KCNAB1: variants seen among roughly 807,000 people sequenced by gnomAD.
KCNAB1 encodes potassium voltage-gated channel subfamily A regulatory beta subunit 1.
Under a neutral mutation model 64.6 loss-of-function variants are expected in KCNAB1, and 35 were observed. That is an observed-to-expected ratio of 0.54 (90% CI 0.41 to 0.72). KCNAB1 has a LOEUF of 0.72. Ranked by LOEUF, KCNAB1 falls within the 30% of genes least tolerant of loss-of-function variation. KCNAB1 has a pLI of 0.00. For missense variants in KCNAB1, 401 were observed against 512.9 expected (o/e 0.78, Z 2.11); for synonymous variants, 177 against 183.8 (o/e 0.96, Z 0.30).
intron 1 of KCNAB1, among the ~76,000 whole-genome samples, chr3:156,356,296 A>G (rs1288014526): frequency 1.3e-5 from 2 of 152,218 alleles, no homozygotes; most frequent in African/African-American, 2.4e-5. Flanking sequence ...ATGTGAACAT[A>G]AAAACTTTCA....
At chr3:156,516,549 T>C (rs4470463) in intron 11 of KCNAB1, among the ~76,000 whole-genome samples, 185 bp downstream of exon 11, 77,771 of 152,042 alleles carry the variant, frequency 0.51, 20,406 homozygotes, top group African/African-American at 0.61. Flanking sequence ...TATCAGTCAG[T>C]CCTTCATAAT....
intron 8 of KCNAB1, among the ~76,000 whole-genome samples, chr3:156,480,513 C>A (rs1428723459): frequency 3.3e-5 from 5 of 150,810 alleles, no homozygotes; most frequent in African/African-American, 7.4e-5. Flanking sequence ...ACTTGCACGT[C>A]CTGCACATGT....
At chr3:156,334,860 A>T (rs1723580834) in intron 1 of KCNAB1, among the ~76,000 whole-genome samples, 1 of 152,094 alleles carries the variant, frequency 6.6e-6, no homozygotes, top group Admixed American at 6.5e-5. Flanking sequence ...CTTTAATGTG[A>T]ACCACTAAGC....
intron 1 of KCNAB1, among the ~76,000 whole-genome samples, chr3:156,215,259 G>A (rs897204669): frequency 2.0e-5 from 3 of 152,130 alleles, no homozygotes; most frequent in African/African-American, 4.8e-5. Flanking sequence ...CAAAACCTAC[G>A]CTCTTGAGCA....
chr3:156,503,260 T>C (rs770131326), intron 8 of KCNAB1, among the ~76,000 whole-genome samples: 6 of 152,212 alleles, frequency 3.9e-5, no homozygotes, highest in Non-Finnish European at 7.3e-5. Flanking sequence ...TTGGAGCATG[T>C]CAGCAGGCAG....
At chr3:156,170,572 C>T (rs1340552639) in intron 1 of KCNAB1, among the ~76,000 whole-genome samples, 1 of 152,152 alleles carries the variant, frequency 6.6e-6, no homozygotes, top group African/African-American at 2.4e-5. Flanking sequence ...TTGCTGGTGA[C>T]AATTGGATCC....
chr3:156,416,154 T>A (rs570795242), intron 1 of KCNAB1, among the ~76,000 whole-genome samples: 2 of 152,324 alleles, frequency 1.3e-5, no homozygotes, highest in East Asian at 3.9e-4. Context: ...GTAGCACCAT[T>A]TCTCATCAGG....
At chr3:156,431,556 C>A (rs753620237) in intron 2 of KCNAB1, among the ~76,000 whole-genome samples, 31 of 152,060 alleles carry the variant, frequency 2.0e-4, no homozygotes, top group African/African-American at 6.8e-4. Context: ...GCCAATGCAC[C>A]GAGGATGACT....
At chr3:156,466,094 CT>C (rs544845495) in intron 7 of KCNAB1, among the ~76,000 whole-genome samples, 16 of 152,014 alleles carry the variant, frequency 1.1e-4, no homozygotes, top group Non-Finnish European at 1.9e-4. Flanking sequence ...TTTATCCCCC[CT>C]AAAATAAACT....
At chr3:156,335,241 G>GA (rs553457669) in intron 1 of KCNAB1, among the ~76,000 whole-genome samples, 4 of 152,136 alleles carry the variant, frequency 2.6e-5, no homozygotes, top group Non-Finnish European at 5.9e-5. Flanking sequence ...TTTTAGTCTA[G>GA]AAAATGCTTA....
intron 1 of KCNAB1, chr3:156,273,448 T>G (rs1719153852): frequency 5.3e-6 from 2 of 376,726 alleles, no homozygotes; most frequent in Non-Finnish European, 1.1e-5. Context: ...GCTCCTTCTG[T>G]GGGCATTGGC....
chr3:156,510,025 A>C (rs912267804), intron 8 of KCNAB1, among the ~76,000 whole-genome samples: 1 of 152,204 alleles, frequency 6.6e-6, no homozygotes, highest in Non-Finnish European at 1.5e-5. Flanking sequence ...GGCAACATGA[A>C]TCTCCAAAAC....
intron 1 of KCNAB1, among the ~76,000 whole-genome samples, chr3:156,243,310 C>T (rs1328593897): frequency 6.6e-6 from 1 of 151,754 alleles, no homozygotes; most frequent in Non-Finnish European, 1.5e-5. Context: ...CTGCAACCCC[C>T]ACCTCCTGGG....
intron 1 of KCNAB1, among the ~76,000 whole-genome samples, chr3:156,222,083 C>G (rs966891399): frequency 2.0e-5 from 3 of 152,090 alleles, no homozygotes; most frequent in Non-Finnish European, 2.9e-5. Flanking sequence ...ATTTCAATAT[C>G]AACATTGAAT....
intron 13 of KCNAB1, among the ~76,000 whole-genome samples, chr3:156,533,453 C>T (rs79004376): frequency 3.9e-4 from 59 of 152,232 alleles, no homozygotes; most frequent in East Asian, 2.1e-3. Context: ...GTGGTCAACA[C>T]GTAGTTGAGC....
chr3:156,520,180 A>G (rs1717845306), intron 11 of KCNAB1, among the ~76,000 whole-genome samples: 1 of 152,254 alleles, frequency 6.6e-6, no homozygotes. Context: ...CCATAACAAA[A>G]TCAATAAAGT....
intron 1 of KCNAB1, among the ~76,000 whole-genome samples, chr3:156,228,851 CTTTGT>C (rs1716344886): frequency 6.6e-6 from 1 of 152,218 alleles, no homozygotes. Flanking sequence ...CCACATGGCC[CTTTGT>C]AGGCTGGTTA....
chr3:156,308,921 A>T (rs1721691435), intron 1 of KCNAB1, among the ~76,000 whole-genome samples: 1 of 152,200 alleles, frequency 6.6e-6, no homozygotes, highest in East Asian at 1.9e-4. Context: ...AACTAAAAAA[A>T]TTGGCACACA....
At chr3:156,189,108 G>A (rs1045010823) in intron 1 of KCNAB1, among the ~76,000 whole-genome samples, 1 of 152,160 alleles carries the variant, frequency 6.6e-6, no homozygotes, top group Admixed American at 6.5e-5. Flanking sequence ...CATGTTGAAT[G>A]GTCTTCTTGT....
Sources: gnomAD v4.1 joint callset for allele counts (sites outside exome capture counted in the v4.1 genomes callset) on GRCh38, gnomAD v4.1.1 for gene constraint, MANE v1.5 for transcripts, NCBI Gene and HGNC (gene_info 2026-07-23, HGNC 2026-07-21) for gene names.